EYA2: variants seen among roughly 807,000 people sequenced by gnomAD.
The protein encoded by EYA2 is EYA transcriptional coactivator and phosphatase 2.
EYA2 carries 31 observed loss-of-function variants against 69.2 expected under a neutral mutation model. That is an observed-to-expected ratio of 0.45 (90% CI 0.34 to 0.60). EYA2 has a LOEUF of 0.60. EYA2 is among the 20% of genes least tolerant of loss of function. The probability of loss-of-function intolerance (pLI) is 0.02; values close to 1 mark genes in which losing one functional copy is unlikely to be tolerated. For missense variants in EYA2, 622 were observed against 701.2 expected, an observed-to-expected ratio of 0.89 and a Z score of 1.28; for synonymous variants, 257 against 279.4, an observed-to-expected ratio of 0.92 and a Z score of 0.80.
intron 5 of EYA2, among the ~76,000 whole-genome samples, chr20:47,058,050 G>A (rs532575417): frequency 6.6e-6 from 1 of 152,242 alleles, no homozygotes; most frequent in South Asian, 2.1e-4. Context: ...TTATCCAGCT[G>A]CTAATGCCAA....
At chr20:47,174,046 A>G (rs368608675) in intron 12 of EYA2, among the ~76,000 whole-genome samples, 2 of 152,216 alleles carry the variant, frequency 1.3e-5, no homozygotes, top group Non-Finnish European at 2.9e-5. Context: ...TCTCTAGAAC[A>G]GAGGTTTTTA....
At chr20:47,071,013 A>T (rs2031294844) in intron 5 of EYA2, among the ~76,000 whole-genome samples, 1 of 145,226 alleles carries the variant, frequency 6.9e-6, no homozygotes, top group Non-Finnish European at 1.5e-5. Flanking sequence ...CACACCTGGA[A>T]TTTTTTTTTT....
intron 1 of EYA2, among the ~76,000 whole-genome samples, chr20:46,954,541 T>C (rs1978999983): frequency 6.6e-6 from 1 of 152,256 alleles, no homozygotes; most frequent in Non-Finnish European, 1.5e-5. Context: ...CAGCTCGCTC[T>C]CTTTGAGGGA....
chr20:47,075,471 C>T (rs1390090862), intron 7 of EYA2, among the ~76,000 whole-genome samples: 3 of 152,100 alleles, frequency 2.0e-5, no homozygotes, highest in East Asian at 1.9e-4. Flanking sequence ...AGTTTGTTGG[C>T]CCCCATAACC....
At chr20:46,912,374 TC>T (rs1370580005) in intron 1 of EYA2, among the ~76,000 whole-genome samples, 1 of 152,196 alleles carries the variant, frequency 6.6e-6, no homozygotes, top group Non-Finnish European at 1.5e-5. Flanking sequence ...GTGTTACAAA[TC>T]CTGTCGAGTG....
At chr20:47,026,168 T>A (rs1984069356) in intron 5 of EYA2, among the ~76,000 whole-genome samples, 1 of 152,238 alleles carries the variant, frequency 6.6e-6, no homozygotes. Flanking sequence ...GAGAAGGTGA[T>A]GTCTTGAGTC....
intron 5 of EYA2, among the ~76,000 whole-genome samples, chr20:47,029,597 C>T (rs190240005): frequency 2.0e-4 from 30 of 152,300 alleles, no homozygotes; most frequent in East Asian, 1.3e-3. Context: ...ACATCCTTTT[C>T]CTCATACCTC....
At chr20:46,976,426 C>A (rs1291184975) in intron 1 of EYA2, among the ~76,000 whole-genome samples, 1 of 101,766 alleles carries the variant, frequency 9.8e-6, no homozygotes, top group Non-Finnish European at 2.2e-5. Context: ...CACTCTGTCA[C>A]CCAGGCTAGA....
At chr20:47,091,519 G>T (rs1013033176) in intron 8 of EYA2, among the ~76,000 whole-genome samples, 5 of 146,028 alleles carry the variant, frequency 3.4e-5, no homozygotes, top group Admixed American at 1.4e-4. Flanking sequence ...TGGGCAGATT[G>T]CTTAAGTCCA....
intron 1 of EYA2, among the ~76,000 whole-genome samples, chr20:46,935,705 G>A (rs996730445): frequency 1.3e-5 from 2 of 152,100 alleles, no homozygotes; most frequent in Non-Finnish European, 2.9e-5. Flanking sequence ...ATAAATCATG[G>A]TAAGTCCTGA....
chr20:47,001,379 C>A (rs368993676), intron 2 of EYA2, 49 bp from the exon 3 acceptor site: 52 of 1,564,426 alleles, frequency 3.3e-5, no homozygotes, highest in Non-Finnish European at 4.5e-5. Flanking sequence ...CTCTGCAGAA[C>A]ATCACCCTAA....
intron 1 of EYA2, among the ~76,000 whole-genome samples, chr20:46,937,632 C>T (rs1985968672): frequency 1.3e-5 from 2 of 148,410 alleles, no homozygotes; most frequent in African/African-American, 5.0e-5. Context: ...CCAATGCACA[C>T]ATTTCATCAT....
In EYA2 at chr20:47,157,995, G is replaced by A. The variant is rs917357392; in HGVS notation, c.979-11144G>A. On this transcript the variant is annotated intron_variant, in intron 10 of 15. Coordinates refer to ENST00000327619, the MANE Select transcript of EYA2 (RefSeq NM_005244.5). The stretch of plus-strand genomic sequence containing the variant: ...TATGACAAATGGACAAATTGCGGTC[G>A]TCGCTGCTGAAGTTGGAAGGCCCCT... Among the ~76,000 whole-genome samples, 7 of 151,930 alleles carry A rather than the reference G, an allele frequency of 4.6e-5. No individual in the cohort carries two copies. The East Asian group carries it at 7.9e-4, about 17-fold the overall frequency.
intron 11 of EYA2, among the ~76,000 whole-genome samples, chr20:47,171,427 G>T (rs549856756): frequency 6.6e-6 from 1 of 152,086 alleles, no homozygotes; most frequent in African/African-American, 2.4e-5. Flanking sequence ...TTTTCAGTTA[G>T]CAGTAAGAAC....
intron 5 of EYA2, among the ~76,000 whole-genome samples, chr20:47,065,144 A>G (rs1425227707): frequency 2.0e-5 from 3 of 152,274 alleles, no homozygotes; most frequent in Non-Finnish European, 2.9e-5. Flanking sequence ...CCATGATTCA[A>G]TTACCTCCCA....
chr20:47,160,468 T>TCACGTG (rs1185308776), intron 10 of EYA2, among the ~76,000 whole-genome samples: 1 of 152,110 alleles, frequency 6.6e-6, no homozygotes, highest in Non-Finnish European at 1.5e-5. Context: ...TGGGAGATGA[T>TCACGTG]GGTGGTTTGG....
chr20:47,015,777 G>A (rs3827063), intron 4 of EYA2, among the ~76,000 whole-genome samples: 5,659 of 152,208 alleles, frequency 0.037, 424 homozygotes, highest in East Asian at 0.28. Context: ...TGAGAAAATA[G>A]CACGTTAAAA....
chr20:47,127,109 A>T (rs1478403299), intron 9 of EYA2, among the ~76,000 whole-genome samples: 2 of 32,536 alleles, frequency 6.1e-5, no homozygotes, highest in East Asian at 6.4e-4. Context: ...AATCTCTTAT[A>T]AAAAAAAAAA....
chr20:47,171,166 CT>C (rs3842430), intron 11 of EYA2, among the ~76,000 whole-genome samples: 2,724 of 152,336 alleles, frequency 0.018, 117 homozygotes, highest in East Asian at 0.17. Flanking sequence ...CAGCACCGTT[CT>C]GTTTCTATAG....
Sources: gnomAD v4.1 joint callset for allele counts (sites outside exome capture counted in the v4.1 genomes callset) on GRCh38, gnomAD v4.1.1 for gene constraint, MANE v1.5 for transcripts, NCBI Gene and HGNC (gene_info 2026-07-23, HGNC 2026-07-21) for gene names.